Variants in RAB6A observed in about 807,000 individuals in gnomAD.
RAB6A encodes the protein ras-related protein Rab-6A.
In RAB6A, 8 loss-of-function variants were observed where a neutral mutation model predicts 32.3. That is an observed-to-expected ratio of 0.25 (90% CI 0.15 to 0.45). The LOEUF is 0.45. Among genes scored for constraint, RAB6A ranks in the 20% least tolerant of loss-of-function variants. RAB6A has a pLI of 1.00. For synonymous variants in RAB6A, 73 were observed against 82.1 expected, an observed-to-expected ratio of 0.89 and a Z score of 0.60; for missense variants, 104 against 249.4, an observed-to-expected ratio of 0.42 and a Z score of 3.93.
chr11:73,751,728 G>A (rs1946671650), intron 1 of RAB6A, among the ~76,000 whole-genome samples: 1 of 152,118 alleles, frequency 6.6e-6, no homozygotes, highest in Non-Finnish European at 1.5e-5. Flanking sequence ...GAGACTAAAT[G>A]CATTTACTGT....
At chr11:73,760,021 A>AT (rs1370166354) in intron 1 of RAB6A, 5 of 1,288,324 alleles carry the variant, frequency 3.9e-6, no homozygotes, top group South Asian at 1.2e-5. Context: ...AAATCATTTA[A>AT]TTTTTTCTAC....
chr11:73,735,845 AT>A (rs1238976132), intron 1 of RAB6A, among the ~76,000 whole-genome samples: 5 of 150,090 alleles, frequency 3.3e-5, no homozygotes, highest in African/African-American at 1.2e-4. Context: ...TATCAAACCT[AT>A]CCCAACCTCA....
Position 73,676,000 on chromosome 11 carries a change from T to G in RAB6A, c.*1898A>C, listed in dbSNP as rs1413286808. On this transcript the variant is annotated 3_prime_UTR_variant, in exon 8 of 8. Coordinates refer to ENST00000336083, the MANE Select transcript of RAB6A (RefSeq NM_198896.2). ...TTGTATTATAAAAGCACTTTACAAC[T>G]CCATCCCATCTTTAAGTATAAGTTA... The G allele has an allele frequency of 7.3e-6, 1 of 136,322 alleles. No individual in the cohort carries two copies. The highest frequency in any genetic ancestry group is 2.0e-5 in the Non-Finnish European group (1 of 51,074). The allele number at this position is 136,322 out of a possible 1,614,324, so 8.4% of individuals were successfully genotyped here. A position where few individuals can be genotyped will look rare whatever the true frequency, so the allele number is the denominator to read the frequency against.
chr11:73,722,867 C>T (rs975744981), intron 2 of RAB6A, among the ~76,000 whole-genome samples: 9 of 151,520 alleles, frequency 5.9e-5, no homozygotes, highest in East Asian at 3.9e-4. Context: ...AGTGCAGTGG[C>T]GTGATCTCGG....
intron 1 of RAB6A, among the ~76,000 whole-genome samples, chr11:73,755,778 G>A (rs987485271): frequency 2.7e-5 from 4 of 149,844 alleles, no homozygotes; most frequent in Non-Finnish European, 5.9e-5. Flanking sequence ...AAGGAGGAAG[G>A]AAGGGAGAAA....
At chr11:73,687,469 C>T (rs1339877783) in intron 6 of RAB6A, among the ~76,000 whole-genome samples, 1 of 152,168 alleles carries the variant, frequency 6.6e-6, no homozygotes, top group Non-Finnish European at 1.5e-5. Flanking sequence ...TAGGTGTGAG[C>T]CACTGTGCCC....
chr11:73,744,216 T>C (rs900403685), intron 1 of RAB6A, among the ~76,000 whole-genome samples: 3 of 151,168 alleles, frequency 2.0e-5, no homozygotes, highest in Non-Finnish European at 4.4e-5. Context: ...TGGGCGCCTG[T>C]AGTCCCAGCT....
chr11:73,718,214 T>C (rs1260131025), intron 4 of RAB6A, among the ~76,000 whole-genome samples: 1 of 152,172 alleles, frequency 6.6e-6, no homozygotes, highest in Non-Finnish European at 1.5e-5. Context: ...AGCAGAAGCT[T>C]GTAATAGCCT....
intron 7 of RAB6A, among the ~76,000 whole-genome samples, chr11:73,678,887 A>T (rs1360700482): frequency 6.6e-6 from 1 of 151,542 alleles, no homozygotes; most frequent in Non-Finnish European, 1.5e-5. Context: ...TATCACGCCC[A>T]GGTAATTTTT....
At chr11:73,691,639 A>C (rs1187112727) in intron 6 of RAB6A, among the ~76,000 whole-genome samples, 1 of 152,212 alleles carries the variant, frequency 6.6e-6, no homozygotes, top group Non-Finnish European at 1.5e-5. Flanking sequence ...AGCTAAAACA[A>C]TAATTAAGGG....
At chr11:73,724,354 TAAGTC>T (rs1946184872) in intron 2 of RAB6A, among the ~76,000 whole-genome samples, 1 of 152,154 alleles carries the variant, frequency 6.6e-6, no homozygotes, top group African/African-American at 2.4e-5. Context: ...TTATAGTATA[TAAGTC>T]AAGAACAGTA....
intron 7 of RAB6A, 67 bp from the exon 8 acceptor site, chr11:73,678,029 T>C: frequency 6.6e-7 from 1 of 1,508,672 alleles, no homozygotes; most frequent in Non-Finnish European, 9.2e-7. Context: ...CACTAGCATT[T>C]CTGGGATGGC....
intron 1 of RAB6A, among the ~76,000 whole-genome samples, chr11:73,757,124 T>C (rs1202906033): frequency 5.6e-5 from 3 of 53,374 alleles, no homozygotes; most frequent in African/African-American, 2.8e-4. Context: ...TATATATATA[T>C]ATATATTTTT....
intron 1 of RAB6A, among the ~76,000 whole-genome samples, chr11:73,750,257 A>G (rs963620399): frequency 2.0e-5 from 3 of 152,174 alleles, no homozygotes; most frequent in African/African-American, 7.2e-5. Context: ...TAAAAATCAT[A>G]AAATATTTGT....
chr11:73,723,520 T>C (rs2134958957), intron 2 of RAB6A, among the ~76,000 whole-genome samples: 1 of 151,838 alleles, frequency 6.6e-6, no homozygotes, highest in South Asian at 2.1e-4. Context: ...AGAGACGGGG[T>C]TTCACTATAT....
chr11:73,717,952 T>C (rs1360834286), intron 4 of RAB6A, among the ~76,000 whole-genome samples: 1 of 152,182 alleles, frequency 6.6e-6, no homozygotes, highest in African/African-American at 2.4e-5. Flanking sequence ...TACAATCACT[T>C]AAAAGGCCAC....
chr11:73,747,443 C>T (rs1565379066), intron 1 of RAB6A, among the ~76,000 whole-genome samples: 1 of 151,398 alleles, frequency 6.6e-6, no homozygotes, highest in Non-Finnish European at 1.5e-5. Context: ...GGAACCCCCC[C>T]CCGCCCCGCC....
intron 1 of RAB6A, among the ~76,000 whole-genome samples, chr11:73,757,779 C>T (rs191577619): frequency 3.0e-4 from 45 of 152,204 alleles, no homozygotes; most frequent in African/African-American, 7.5e-4. Flanking sequence ...CTATCAATTG[C>T]GTAACCATGT....
At chr11:73,759,784 G>T (rs1162538410) in intron 1 of RAB6A, among the ~76,000 whole-genome samples, 1 of 152,154 alleles carries the variant, frequency 6.6e-6, no homozygotes, top group Non-Finnish European at 1.5e-5. Context: ...TCATGACATA[G>T]CATCTGGCAG....
Sources: allele counts gnomAD v4.1 joint callset (sites outside exome capture counted in the v4.1 genomes callset), GRCh38; gene constraint gnomAD v4.1.1; transcripts MANE v1.5; gene names NCBI Gene and HGNC (gene_info 2026-07-23, HGNC 2026-07-21).